Variants in VEPH1 observed in about 807,000 individuals in gnomAD.
VEPH1 encodes the protein ventricular zone expressed PH domain containing 1, also known as ventricular zone-expressed PH domain-containing protein homolog 1.
A neutral mutation model predicts 85.2 loss-of-function variants in VEPH1; 80 were observed. The ratio of observed to expected loss-of-function variants is 0.94; its 90% CI spans 0.78 to 1.13. The LOEUF is 1.13. Among genes scored for constraint, VEPH1 ranks in the 50% most tolerant of loss-of-function variants. The pLI, the probability that VEPH1 is intolerant of heterozygous loss-of-function variation, is 0.00. For synonymous variants in VEPH1, 297 were observed against 348.0 expected (o/e 0.85, Z 1.63); for missense variants, 955 against 980.5 (o/e 0.97, Z 0.35).
intron 1 of VEPH1, among the ~76,000 whole-genome samples, chr3:157,497,864 G>A (rs1284232917): frequency 6.6e-6 from 1 of 152,178 alleles, no homozygotes; most frequent in African/African-American, 2.4e-5. Flanking sequence ...TTAACACACA[G>A]CCATACAGGA....
chr3:157,437,363 T>G (rs757578058), intron 4 of VEPH1: 1 of 989,142 alleles, frequency 1.0e-6, no homozygotes, highest in East Asian at 2.6e-5. Flanking sequence ...CTGAGACATT[T>G]ACATGCTGTT....
At chr3:157,372,497 C>A (rs1727618081) in intron 7 of VEPH1, among the ~76,000 whole-genome samples, 1 of 152,212 alleles carries the variant, frequency 6.6e-6, no homozygotes, top group African/African-American at 2.4e-5. Context: ...CATTTTTCCT[C>A]AACTGTAACC....
chr3:157,419,313 A>G (rs1218855457), intron 5 of VEPH1, among the ~76,000 whole-genome samples: 1 of 152,246 alleles, frequency 6.6e-6, no homozygotes, highest in African/African-American at 2.4e-5. Flanking sequence ...TTGCAACAAA[A>G]GCAAAAGACA....
Position 157,495,444 on chromosome 3 carries a change from G to A in VEPH1, c.-95C>T, listed in dbSNP as rs992485577. On this transcript the variant is annotated 5_prime_UTR_variant, in exon 2 of 14. Transcript: ENST00000362010. ...GTAAGACAAAAACATGTAGAAGGAG[G>A]TATACTTCTTATTCCATGAAAGGTC... 2.0e-6 allele frequency: 3 copies of A among 1,531,848 alleles called. No individual in the cohort carries two copies. Among genetic ancestry groups the A allele is most frequent in the Non-Finnish European group, 2.6e-6 (3 of 1,139,320 alleles). 94.9% of individuals were successfully genotyped at this position (1,531,848 alleles called of 1,614,324 possible).
intron 2 of VEPH1, 74 bp from the exon 3 acceptor site, chr3:157,470,603 A>G (rs1302882988): frequency 2.1e-6 from 3 of 1,451,544 alleles, no homozygotes; most frequent in East Asian, 2.3e-5. Flanking sequence ...ATACTAACTC[A>G]GTCATTTAGA....
chr3:157,481,925 T>G (rs547245970), intron 2 of VEPH1, among the ~76,000 whole-genome samples: 22 of 152,338 alleles, frequency 1.4e-4, no homozygotes, highest in African/African-American at 5.1e-4. Flanking sequence ...TTGCTAAGTT[T>G]TTGACTTTGT....
intron 11 of VEPH1, among the ~76,000 whole-genome samples, chr3:157,307,125 T>G (rs1719602655): frequency 6.6e-6 from 1 of 152,018 alleles, no homozygotes. Context: ...TAAATGGAAT[T>G]AAGACTTCAG....
intron 9 of VEPH1, among the ~76,000 whole-genome samples, chr3:157,352,189 C>T (rs918596271): frequency 6.6e-6 from 1 of 152,132 alleles, no homozygotes; most frequent in Non-Finnish European, 1.5e-5. Context: ...CTTACTATGA[C>T]CACTAGGGTG....
chr3:157,351,170 G>C lies in VEPH1; in HGVS notation c.1735+12194C>G, dbSNP rs532726709. On this transcript the variant is annotated intron_variant, in intron 9 of 13. Coordinates refer to ENST00000362010, the MANE Select transcript of VEPH1 (RefSeq NM_001167912.2). ...AAGAAAAGGTGGTATATATGGCCAG[G>C]TGAGGTGGCTCATGCCTGTAATCCC... 8.5e-5 allele frequency among the ~76,000 whole-genome samples: 13 copies of C among 152,278 alleles called. No homozygotes were observed. In the East Asian group the frequency reaches 2.5e-3, roughly 30 times the overall value.
chr3:157,398,842 G>A (rs972900381), intron 6 of VEPH1, among the ~76,000 whole-genome samples: 2 of 152,014 alleles, frequency 1.3e-5, no homozygotes, highest in Non-Finnish European at 2.9e-5. Context: ...GTTTAGACCT[G>A]TTGCAGAGAC....
At chr3:157,425,057 C>T (rs370027712) in intron 5 of VEPH1, among the ~76,000 whole-genome samples, 46 of 152,350 alleles carry the variant, frequency 3.0e-4, no homozygotes, top group Non-Finnish European at 4.0e-4. Context: ...AGGGCCCCCA[C>T]GCTGTGTGCA....
At chr3:157,490,498 T>C (rs1309316157) in intron 2 of VEPH1, among the ~76,000 whole-genome samples, 2 of 151,972 alleles carry the variant, frequency 1.3e-5, no homozygotes, top group South Asian at 2.1e-4. Flanking sequence ...ACAAATGGCA[T>C]ACAGCAAATA....
At chr3:157,358,846 A>T (rs1207947677) in intron 9 of VEPH1, among the ~76,000 whole-genome samples, 3 of 152,172 alleles carry the variant, frequency 2.0e-5, no homozygotes, top group Admixed American at 1.3e-4. Flanking sequence ...AAATACAAAA[A>T]TTAGCTGGCT....
At chr3:157,408,524 T>A (rs1731302052) in intron 6 of VEPH1, among the ~76,000 whole-genome samples, 1 of 152,166 alleles carries the variant, frequency 6.6e-6, no homozygotes. Context: ...TGAATTCAGA[T>A]GGATTTGATA....
rs138211783 is a variant in VEPH1, at chr3:157,479,538, TTGG to T, written c.139-9012_139-9010del. 2.6e-3 allele frequency among the ~76,000 whole-genome samples: 401 copies of T among 152,158 alleles called. 2 individuals are homozygous for T. Among genetic ancestry groups the T allele is most frequent in the African/African-American group, 9.1e-3 (379 of 41,516 alleles). ...GGAGGGAATACCTCAGATAAAGCAGTTGGTGGTGGGAAGAATGAATTTGGCATG... is the reference window on the plus strand; with the variant it reads ...GGAGGGAATACCTCAGATAAAGCAGTTGGTGGGAAGAATGAATTTGGCATG... On this transcript the variant is annotated intron_variant, in intron 2 of 13. Coordinates refer to ENST00000362010, the MANE Select transcript of VEPH1 (RefSeq NM_001167912.2).
intron 2 of VEPH1, among the ~76,000 whole-genome samples, chr3:157,480,845 C>T (rs963859751): frequency 2.6e-5 from 4 of 152,010 alleles, no homozygotes; most frequent in Non-Finnish European, 5.9e-5. Flanking sequence ...AGTGGTAGTT[C>T]CTTGTTCTTT....
At chr3:157,473,221 T>C (rs1737140514) in intron 2 of VEPH1, among the ~76,000 whole-genome samples, 1 of 151,676 alleles carries the variant, frequency 6.6e-6, no homozygotes, top group African/African-American at 2.4e-5. Context: ...TATAGGAGCA[T>C]GCCACCACGC....
chr3:157,326,744 G>A (rs1020551754), intron 9 of VEPH1, among the ~76,000 whole-genome samples: 1 of 152,192 alleles, frequency 6.6e-6, no homozygotes, highest in Non-Finnish European at 1.5e-5. Flanking sequence ...CTTTGGCCTG[G>A]AGAAGGAGAA....
intron 9 of VEPH1, among the ~76,000 whole-genome samples, chr3:157,327,176 A>G (rs1722000590): frequency 6.6e-6 from 1 of 152,192 alleles, no homozygotes; most frequent in Non-Finnish European, 1.5e-5. Flanking sequence ...AGGCAAGAAG[A>G]CACACCACAC....
Sources: gnomAD v4.1 joint callset for allele counts (sites outside exome capture counted in the v4.1 genomes callset) on GRCh38, gnomAD v4.1.1 for gene constraint, MANE v1.5 for transcripts, NCBI Gene and HGNC (gene_info 2026-07-23, HGNC 2026-07-21) for gene names.